Variants in MTA2 observed in about 807,000 individuals in gnomAD.
MTA2 encodes the protein metastasis-associated protein MTA2.
In MTA2, 22 loss-of-function variants were observed where a neutral mutation model predicts 87.1. The ratio of observed to expected loss-of-function variants is 0.25; its 90% CI spans 0.18 to 0.36. The LOEUF is 0.36. Ranked by LOEUF, MTA2 falls within the 10% of genes least tolerant of loss-of-function variation. The pLI is 1.00. For missense variants in MTA2, 542 were observed against 853.2 expected (o/e 0.64, Z 4.54); for synonymous variants, 314 against 310.1 (o/e 1.01, Z -0.13).
In MTA2 at chr11:62,596,357, A is replaced by C. The variant is rs777217503; in HGVS notation, c.958-20T>G. ...CCTTTTCTGTAAGAAGGTAAAAAGAAAGAGAAGGATCAGAGCCTCATAGCA... is the reference window on the plus strand; with the variant it reads ...CCTTTTCTGTAAGAAGGTAAAAAGACAGAGAAGGATCAGAGCCTCATAGCA... On this transcript the variant is annotated intron_variant, in intron 10 of 17. Transcript: ENST00000278823. 15 of 1,613,988 alleles carry C rather than the reference A, an allele frequency of 9.3e-6. No individual in the cohort carries two copies. The highest frequency in any genetic ancestry group is 6.7e-5 in the Admixed American group (4 of 60,004).
Position 62,601,750 on chromosome 11 carries a change from C to G in MTA2, c.-300G>C, listed in dbSNP as rs1590734699. The G allele has an allele frequency of 1.7e-5, 9 of 515,332 alleles. No homozygotes were observed. Among genetic ancestry groups the G allele is most frequent in the Non-Finnish European group, 3.0e-5 (9 of 295,744 alleles). 31.9% of individuals were successfully genotyped at this position (515,332 alleles called of 1,614,324 possible). On this transcript the variant is annotated 5_prime_UTR_variant, in exon 1 of 18. Coordinates refer to ENST00000278823, the MANE Select transcript of MTA2 (RefSeq NM_004739.4). ...GCCAGGCTCCAGCTACCCCCGCCCC[C>G]GCGGAGTCCCACTAGTCGTTGGGCT...
chr11:62,600,620 A>G lies in MTA2; in HGVS notation c.96+2T>C, dbSNP rs779406359. 6 of 1,613,426 alleles carry G rather than the reference A, an allele frequency of 3.7e-6. No individual in the cohort carries two copies. The Admixed American group carries it at 1.0e-4, about 27-fold the overall frequency. On this transcript the variant is annotated splice_donor_variant, in intron 2 of 17. Coordinates refer to ENST00000278823, the MANE Select transcript of MTA2 (RefSeq NM_004739.4). LOFTEE classifies it high-confidence loss of function. ...GAGGGAGAGGGATTCTGCTCCACTC[A>G]CCTTGTTGAGCTCCTCAATCCGTCT...
chr11:62,600,789 G>C, intron 1 of MTA2, 100 bp from the exon 2 acceptor site: 1 of 998,968 alleles, frequency 1.0e-6, no homozygotes, highest in Non-Finnish European at 1.5e-6. Context: ...GGATCAAAAG[G>C]AGATAAGGAT....
chr11:62,598,619 T>C lies in MTA2; in HGVS notation c.211A>G (p.Lys71Glu). The change falls in exon 4 of 18, where the codon AAG becomes GAG. Residue 71 changes from lysine to glutamate, a missense_variant. Coordinates refer to ENST00000278823, the MANE Select transcript of MTA2 (RefSeq NM_004739.4). ...TGCTGCTCAGACACCCCTGGCTGCT[T>C]TGATTCCTCTTCAAACTCCCCTGGG... ...SNAREFEEES[K>E]QPGVSEQQRH... The C allele has an allele frequency of 6.2e-7, 1 of 1,614,062 alleles. No homozygotes were observed. The highest frequency in any genetic ancestry group is 8.5e-7 in the Non-Finnish European group (1 of 1,180,030).
In MTA2 at chr11:62,598,105, G is replaced by A; in HGVS notation, c.409C>T (p.Gln137Ter). The change falls in exon 6 of 18, where the codon CAG (glutamine) becomes TAG (stop). Residue 137 changes from glutamine (Q) to a stop codon, truncating the protein, a stop_gained. Transcript: ENST00000278823. LOFTEE classifies it high-confidence loss of function. ...CCCTGATCAGCGAGAAGTGTCTTCT[G>A]CACGGGGTCAAACACCAGTGAGTAA... ...FFYSLVFDPV[Q>*]KTLLADQGEI... 6.2e-7 allele frequency: 1 copy of A among 1,614,042 alleles called. No individual in the cohort carries two copies. The highest frequency in any genetic ancestry group is 8.5e-7 in the Non-Finnish European group (1 of 1,180,040).
At chr11:62,599,676 G>C (rs770882637) in intron 3 of MTA2, among the ~76,000 whole-genome samples, 12 of 151,814 alleles carry the variant, frequency 7.9e-5, no homozygotes, top group Admixed American at 2.6e-4. Flanking sequence ...AAATGGAGGG[G>C]GGCGGGCGGG....
In MTA2 at chr11:62,595,991, C is replaced by T. The variant is rs1323695576; in HGVS notation, c.1114+19G>A. ...GGCCTTCCACCCATCCCCACCATCC[C>T]AGTGCCCCCGTAACTCACTGTGGCA... On this transcript the variant is annotated intron_variant, in intron 12 of 17. Coordinates refer to ENST00000278823, the MANE Select transcript of MTA2 (RefSeq NM_004739.4). The surrounding 1 kb of genome is among the most constrained non-coding windows in gnomAD (Gnocchi z 4.9). 1.2e-6 allele frequency: 2 copies of T among 1,614,122 alleles called. No homozygotes were observed. Among genetic ancestry groups the T allele is most frequent in the Admixed American group, 1.7e-5 (1 of 60,022 alleles).
intron 1 of MTA2, 72 bp downstream of exon 1, chr11:62,601,351 G>C: frequency 6.4e-7 from 1 of 1,565,474 alleles, no homozygotes; most frequent in Non-Finnish European, 8.7e-7. Flanking sequence ...GCGCCACCCG[G>C]TGCCGAGCCC....
intron 9 of MTA2, 52 bp from the exon 10 acceptor site, chr11:62,596,584 G>A (rs749929043): frequency 1.9e-6 from 3 of 1,612,424 alleles, no homozygotes; most frequent in Non-Finnish European, 1.7e-6. Context: ...CCCAGGTCCT[G>A]GTTCCCTCAC....
chr11:62,601,464 G>T lies in MTA2; in HGVS notation c.-14C>A. The T allele has an allele frequency of 1.2e-6, 2 of 1,607,204 alleles. No homozygotes were observed. The highest frequency in any genetic ancestry group is 1.1e-5 in the South Asian group (1 of 90,150). On this transcript the variant is annotated 5_prime_UTR_variant, in exon 1 of 18. Coordinates refer to ENST00000278823, the MANE Select transcript of MTA2 (RefSeq NM_004739.4). ...GTTGGCCGCCATGGCCGTTCCCGCC[G>T]CCGCCTCCGGCCGCACAAAGGGGTC... is the stretch of plus-strand genomic sequence containing the variant.
rs961208748 is a variant in MTA2, at chr11:62,593,800, G to A, written c.*75C>T. On this transcript the variant is annotated 3_prime_UTR_variant, in exon 18 of 18. Coordinates refer to ENST00000278823, the MANE Select transcript of MTA2 (RefSeq NM_004739.4). ...ATTCACTCCTCACTCCCTTCGACACGAAAGGGAAGGGAGGTTTGGGTGCCC... is the reference window on the plus strand; with the variant it reads ...ATTCACTCCTCACTCCCTTCGACACAAAAGGGAAGGGAGGTTTGGGTGCCC... 1.2e-5 allele frequency: 19 copies of A among 1,564,442 alleles called. No individual in the cohort carries two copies. The highest frequency in any genetic ancestry group is 3.5e-5 in the Admixed American group (2 of 57,214).
intron 8 of MTA2, 48 bp from the exon 9 acceptor site, chr11:62,596,873 A>C: frequency 6.5e-7 from 1 of 1,546,738 alleles, no homozygotes; most frequent in Non-Finnish European, 8.7e-7. Flanking sequence ...TTTTGGCACC[A>C]CTCCCTTCCT....
rs371611790 is a variant in MTA2, at chr11:62,601,490, C to T, written c.-40G>A. The T allele has an allele frequency of 3.1e-6, 5 of 1,596,066 alleles. No homozygotes were observed. Among genetic ancestry groups the T allele is most frequent in the East Asian group, 2.3e-5 (1 of 43,158 alleles). On this transcript the variant is annotated 5_prime_UTR_variant, in exon 1 of 18. Coordinates refer to ENST00000278823, the MANE Select transcript of MTA2 (RefSeq NM_004739.4). Reference sequence around the variant, plus strand: ...CCGCCTCCGGCCGCACAAAGGGGTCCGGGAGGCTCGCGGGGGCAGGGCTCG... The same window carrying T: ...CCGCCTCCGGCCGCACAAAGGGGTCTGGGAGGCTCGCGGGGGCAGGGCTCG...
rs1329682369 is a variant in MTA2 at position 62,600,276 on chromosome 11, A to T, written c.97-17T>A. 1.2e-6 allele frequency: 2 copies of T among 1,606,024 alleles called. No individual in the cohort carries two copies. Among genetic ancestry groups the T allele is most frequent in the Admixed American group, 1.7e-5 (1 of 59,906 alleles). On this transcript the variant is annotated splice_polypyrimidine_tract_variant and intron_variant, in intron 2 of 17. Coordinates refer to ENST00000278823, the MANE Select transcript of MTA2 (RefSeq NM_004739.4). The stretch of plus-strand genomic sequence containing the variant: ...ATTTGCAGTCTAAGGGGAGGAAAAA[A>T]ACAAAAACAAAACAACGTAGCAGTG...
rs747464134 is a variant in MTA2 at position 62,595,712 on chromosome 11, C to T, written c.1254+40G>A. On this transcript the variant is annotated intron_variant, in intron 13 of 17. Coordinates refer to ENST00000278823, the MANE Select transcript of MTA2 (RefSeq NM_004739.4). This position sits in a 1 kb window ranked among gnomAD's most constrained non-coding sequence, Gnocchi z 4.9. ...TTCACCTAAGCTCACCATCAATATG[C>T]TTACTGCTCTCCCCTGCTTTTCTTC... 57 of 1,609,816 alleles carry T rather than the reference C, an allele frequency of 3.5e-5. No individual in the cohort carries two copies. The highest frequency in any genetic ancestry group is 1.8e-5 in the Non-Finnish European group (21 of 1,177,592).
chr11:62,599,515 G>T (rs1405009502), intron 3 of MTA2, among the ~76,000 whole-genome samples: 1 of 151,418 alleles, frequency 6.6e-6, no homozygotes, highest in Non-Finnish European at 1.5e-5. Context: ...TCTGAAAAAG[G>T]AAAATAATTT....
At position 62,593,869 on chromosome 11, in the gene MTA2, A is replaced by C; in HGVS notation, c.*6T>G. 2 of 1,613,976 alleles carry C rather than the reference A, an allele frequency of 1.2e-6. No homozygotes were observed. The highest frequency in any genetic ancestry group is 1.7e-6 in the Non-Finnish European group (2 of 1,179,936). On this transcript the variant is annotated 3_prime_UTR_variant, in exon 18 of 18. Transcript: ENST00000278823. ...CTCTCAGCCCACCTCCCTTCCCCAC[A>C]GGTGCTCAGTCCTCCAGGACAATAG... is the stretch of plus-strand genomic sequence containing the variant.
At chr11:62,600,771 G>A in intron 1 of MTA2, 82 bp from the exon 2 acceptor site, 1 of 1,277,098 alleles carries the variant, frequency 7.8e-7, no homozygotes, top group South Asian at 1.3e-5. Context: ...GAGAAAGTTG[G>A]CCTGAGTGGA....
chr11:62,597,702 A>G lies in MTA2; in HGVS notation c.501T>C (p.Asp167=). Residue 167 remains aspartate (D), a synonymous_variant, in exon 7 of 18, where the codon GAT becomes GAC. Coordinates refer to ENST00000278823, the MANE Select transcript of MTA2 (RefSeq NM_004739.4). ...TCTCCATCTTCTGCTGGTTCCGATTATCAGATTCTCCTGGGGAAAAGAACA... is the reference window on the plus strand; with the variant it reads ...TCTCCATCTTCTGCTGGTTCCGATTGTCAGATTCTCCTGGGGAAAAGAACA... ...IPDRLVEGES[D]NRNQQKMEMK... is the part of the protein sequence containing the mutation. 1 of 1,614,006 alleles carries G rather than the reference A, an allele frequency of 6.2e-7. No homozygotes were observed. The highest frequency in any genetic ancestry group is 1.1e-5 in the South Asian group (1 of 91,066).
Sources: gnomAD v4.1 joint callset for allele counts (sites outside exome capture counted in the v4.1 genomes callset) on GRCh38, gnomAD v4.1.1 for gene constraint, Gnocchi (gnomAD v3.1) non-coding constraint, MANE v1.5 for transcripts, NCBI Gene and HGNC (gene_info 2026-07-23, HGNC 2026-07-21) for gene names.